LRRK1: variants seen among roughly 807,000 people sequenced by gnomAD.
The protein encoded by LRRK1 is leucine rich repeat kinase 1.
A neutral mutation model predicts 209.1 loss-of-function variants in LRRK1; 113 were observed. The ratio of observed to expected loss-of-function variants is 0.54; its 90% confidence interval spans 0.46 to 0.63. LRRK1 has a LOEUF of 0.63. Ranked by LOEUF, LRRK1 falls within the 30% of genes least tolerant of loss-of-function variation. The pLI, the probability that LRRK1 is intolerant of heterozygous loss-of-function variation, is 0.00. For synonymous variants in LRRK1, 1,144 were observed against 1,099.7 expected (o/e 1.04, Z -0.80); for missense variants, 2,284 against 2,632.2 (o/e 0.87, Z 2.89).
intron 2 of LRRK1, among the ~76,000 whole-genome samples, chr15:100,930,211 G>A (rs974230537): frequency 6.6e-6 from 1 of 152,176 alleles, no homozygotes; most frequent in Non-Finnish European, 1.5e-5. Flanking sequence ...CCCATTTCTT[G>A]GAGTCACTAA....
At chr15:100,934,851 G>A (rs1279331109) in intron 2 of LRRK1, among the ~76,000 whole-genome samples, 1 of 150,806 alleles carries the variant, frequency 6.6e-6, no homozygotes, top group Admixed American at 6.6e-5. Flanking sequence ...AGAGAGTGAT[G>A]CTCAATGAAG....
intron 2 of LRRK1, among the ~76,000 whole-genome samples, chr15:100,959,512 G>A (rs541437864): frequency 9.7e-4 from 148 of 152,288 alleles, no homozygotes; most frequent in Non-Finnish European, 2.0e-3. Context: ...CATGGAAAGC[G>A]TAAGGGCTCC....
rs200546224 is a variant in LRRK1, at chr15:101,053,380, G to A, written c.4014G>A (p.Pro1338=). ...TCTGCTTCGCCCTGGAGCTCGCGCC[G>A]CTCAGCAGCCTCAACACCGTGCTGT... ...HPLCFALELA[P]LSSLNTVLSE... Residue 1338 remains proline, a synonymous_variant, in exon 26 of 34, where the codon CCG becomes CCA. Transcript: ENST00000388948. 127 of 1,600,004 alleles carry A rather than the reference G, an allele frequency of 7.9e-5. No homozygotes were observed. In the African/African-American group the frequency reaches 1.3e-3, roughly 17 times the overall value.
At chr15:100,953,934 G>T (rs1350477290) in intron 2 of LRRK1, among the ~76,000 whole-genome samples, 2 of 151,864 alleles carry the variant, frequency 1.3e-5, no homozygotes, top group African/African-American at 4.8e-5. Flanking sequence ...GTTGTTGTTT[G>T]AGACACAGTC....
Position 100,985,939 on chromosome 15 carries a change from C to G in LRRK1, c.433+2240C>G, listed in dbSNP as rs561585383. 1.2e-3 allele frequency among the ~76,000 whole-genome samples: 185 copies of G among 152,242 alleles called. 1 individual carries two copies. The highest frequency in any genetic ancestry group is 2.3e-3 in the Non-Finnish European group (159 of 68,026). On this transcript the variant is annotated intron_variant, in intron 4 of 33. Coordinates refer to ENST00000388948, the MANE Select transcript of LRRK1 (RefSeq NM_024652.6). ...TCAGGCTGGACATGCTGGCTCATGC[C>G]TGTAATCCCAACAATTTGGGAGGCC... is the stretch of plus-strand genomic sequence containing the variant.
Position 101,057,956 on chromosome 15 carries a change from A to T in LRRK1, c.4528-34A>T, listed in dbSNP as rs541142767. 3.7e-6 allele frequency: 6 copies of T among 1,612,396 alleles called. No individual in the cohort carries two copies. In the South Asian group the frequency reaches 5.5e-5, roughly 15 times the overall value. On this transcript the variant is annotated intron_variant, in intron 28 of 33. Transcript: ENST00000388948. ...ACGGGCACCAATCCGGTTGTAAGTG[A>T]CCTTGCTCTCTTCTGGTGGCTTCTC...
intron 33 of LRRK1, 37 bp downstream of exon 33, chr15:101,066,778 G>A: frequency 6.5e-7 from 1 of 1,531,464 alleles, no homozygotes; most frequent in Non-Finnish European, 9.1e-7. Context: ...GACCCAGGCA[G>A]CAGCATGAGC....
rs1202661217 is a variant in LRRK1, at chr15:101,008,954, C to T, written c.880C>T (p.Pro294Ser). The change falls in exon 7 of 34, where the codon CCC (proline) becomes TCC (serine). Residue 294 changes from proline (P) to serine (S), a missense_variant. Pro to Ser is a moderately conservative substitution (Grantham distance 74, BLOSUM62 -1). Around this residue, in one of 6 missense-constraint regions of LRRK1, gnomAD observed 494 missense variants for 522.1 expected, o/e 0.95. Coordinates refer to ENST00000388948, the MANE Select transcript of LRRK1 (RefSeq NM_024652.6). ...TTCTGCCAACTGCCTGGCGACCCTC[C>T]CCTCGGTTATCCCCTGGGGCCTCAT... ...DLSANCLATL[P>S]SVIPWGLINL... 6.2e-7 allele frequency: 1 copy of T among 1,614,136 alleles called. No individual in the cohort carries two copies. The highest frequency in any genetic ancestry group is 1.7e-5 in the Admixed American group (1 of 60,020).
chr15:100,946,527 A>G (rs1464306659), intron 2 of LRRK1, among the ~76,000 whole-genome samples: 1 of 152,210 alleles, frequency 6.6e-6, no homozygotes, highest in African/African-American at 2.4e-5. Context: ...GCATAGGGGT[A>G]ACATATTGCT....
At position 101,029,161 on chromosome 15, in the gene LRRK1, G is replaced by T; in HGVS notation, c.2892G>T (p.Thr964=). 1 of 1,614,146 alleles carries T rather than the reference G, an allele frequency of 6.2e-7. No homozygotes were observed. Among genetic ancestry groups the T allele is most frequent in the Non-Finnish European group, 8.5e-7 (1 of 1,180,018 alleles). The change falls in exon 20 of 34, where the codon ACG becomes ACT. Residue 964 remains threonine (T), a synonymous_variant. Coordinates refer to ENST00000388948, the MANE Select transcript of LRRK1 (RefSeq NM_024652.6). The stretch of plus-strand genomic sequence containing the variant: ...TGCTGCTGGTGGGGACTGGCTTCAC[G>T]CAGCAGACGGAAGAGCAGTACTTCC... ...LRMLLVGTGF[T]QQTEEQYFQF...
intron 33 of LRRK1, 96 bp from the exon 34 acceptor site, chr15:101,068,575 C>T (rs561371593): frequency 7.5e-7 from 1 of 1,338,526 alleles, no homozygotes; most frequent in Non-Finnish European, 1.0e-6. Context: ...CTGCCCTTAG[C>T]CAGCTCCGCC....
intron 6 of LRRK1, among the ~76,000 whole-genome samples, chr15:100,994,620 T>C (rs763454272): frequency 6.6e-6 from 1 of 152,184 alleles, no homozygotes; most frequent in Non-Finnish European, 1.5e-5. Context: ...GAAAAGGCAA[T>C]GGTGCTTTTC....
At chr15:101,005,553 AC>A (rs762840094) in intron 6 of LRRK1, among the ~76,000 whole-genome samples, 10 of 152,302 alleles carry the variant, frequency 6.6e-5, no homozygotes, top group Admixed American at 4.6e-4. Context: ...AAGCAGTGAC[AC>A]CCCAGCGGTG....
At chr15:101,041,271 T>G (rs1356053591) in intron 20 of LRRK1, among the ~76,000 whole-genome samples, 1 of 152,238 alleles carries the variant, frequency 6.6e-6, no homozygotes, top group Non-Finnish European at 1.5e-5. Flanking sequence ...TTATGATCTC[T>G]ATAAAAAAGG....
intron 2 of LRRK1, among the ~76,000 whole-genome samples, chr15:100,960,828 A>G (rs1470146086): frequency 1.3e-5 from 2 of 152,172 alleles, no homozygotes; most frequent in Non-Finnish European, 2.9e-5. Context: ...ATAGCTTTGT[A>G]TTTCTGTGTT....
chr15:100,950,840 G>A (rs185244759), intron 2 of LRRK1, among the ~76,000 whole-genome samples: 257 of 152,028 alleles, frequency 1.7e-3, no homozygotes, highest in Middle Eastern at 3.4e-3. Flanking sequence ...GCGGTGGCTC[G>A]CGCCTGTCAT....
chr15:101,066,390 C>G (rs936596982), intron 32 of LRRK1, among the ~76,000 whole-genome samples, 185 bp downstream of exon 32: 1 of 152,176 alleles, frequency 6.6e-6, no homozygotes, highest in Non-Finnish European at 1.5e-5. Context: ...TAAGAGTGGC[C>G]GCACAAAAGC....
At chr15:101,045,053 G>A (rs1475604741) in intron 20 of LRRK1, among the ~76,000 whole-genome samples, 1 of 152,226 alleles carries the variant, frequency 6.6e-6, no homozygotes, top group Admixed American at 6.5e-5. Flanking sequence ...CCTGCCAAGA[G>A]GGGATCCTTT....
Position 101,053,336 on chromosome 15 carries a change from G to A in LRRK1, c.3970G>A (p.Gly1324Ser), listed in dbSNP as rs1372221915. The stretch of plus-strand genomic sequence containing the variant: ...GCACCCCTGCATCGTGGCGCTCATC[G>A]GCATCAGCATCCACCCGCTCTGCTT... ...LQHPCIVALIGISIHPLCFAL... is the reference protein window; with the variant it reads ...LQHPCIVALISISIHPLCFAL... The change falls in exon 26 of 34, where the codon GGC becomes AGC. Residue 1324 changes from glycine to serine, a missense_variant. Gly to Ser is a moderately conservative substitution (Grantham distance 56). This residue lies in a region of LRRK1 where 780 missense variants were observed against 985.2 expected (regional missense o/e 0.79). Coordinates refer to ENST00000388948, the MANE Select transcript of LRRK1 (RefSeq NM_024652.6). 4 of 1,604,004 alleles carry A rather than the reference G, an allele frequency of 2.5e-6. No individual in the cohort carries two copies. Among genetic ancestry groups the A allele is most frequent in the East Asian group, 2.2e-5 (1 of 44,880 alleles).
Sources: allele counts gnomAD v4.1 joint callset (sites outside exome capture counted in the v4.1 genomes callset), GRCh38; gene constraint gnomAD v4.1.1; regional missense constraint gnomAD v4.1.1; transcripts MANE v1.5; gene names NCBI Gene and HGNC (gene_info 2026-07-23, HGNC 2026-07-21).